SCAI: variants seen among roughly 807,000 people sequenced by gnomAD.
SCAI encodes the protein protein SCAI.
A neutral mutation model predicts 92.2 loss-of-function variants in SCAI; 24 were observed. That is an observed-to-expected ratio of 0.26 (90% confidence interval 0.19 to 0.37). The LOEUF (loss-of-function observed/expected upper bound fraction) is 0.37, where lower values mean the gene tolerates loss of function less well. SCAI is among the 10% of genes least tolerant of loss of function. The pLI is 1.00. For missense variants in SCAI, 450 were observed against 736.2 expected (o/e 0.61, Z 4.50); for synonymous variants, 261 against 258.6 (o/e 1.01, Z -0.09).
intron 3 of SCAI, among the ~76,000 whole-genome samples, chr9:125,036,822 T>C (rs979280127): frequency 2.0e-5 from 3 of 152,184 alleles, no homozygotes; most frequent in African/African-American, 7.2e-5. Context: ...TTTAAATAAA[T>C]ACATTAAGAA....
chr9:124,960,645 G>C (rs1244246194), intron 17 of SCAI, among the ~76,000 whole-genome samples: 1 of 152,196 alleles, frequency 6.6e-6, no homozygotes, highest in East Asian at 1.9e-4. Context: ...TCACAAGAGT[G>C]ACAGCCTCTG....
chr9:124,993,591 A>C (rs1832179358), intron 14 of SCAI, among the ~76,000 whole-genome samples: 2 of 152,226 alleles, frequency 1.3e-5, no homozygotes, highest in Non-Finnish European at 2.9e-5. Flanking sequence ...TCTGTCTCAA[A>C]AAAGAAAAGA....
At chr9:125,064,332 G>A (rs1217888800) in intron 2 of SCAI, among the ~76,000 whole-genome samples, 1 of 152,064 alleles carries the variant, frequency 6.6e-6, no homozygotes, top group Non-Finnish European at 1.5e-5. Flanking sequence ...TACCCATGGA[G>A]CAATCATAAA....
At chr9:125,048,737 TTTA>T (rs1564392990) in intron 3 of SCAI, among the ~76,000 whole-genome samples, 15 of 114,596 alleles carry the variant, frequency 1.3e-4, no homozygotes, top group Admixed American at 1.8e-4. Context: ...TATTTATTTA[TTTA>T]ATTTTATTTT....
At chr9:125,023,213 C>T (rs1307121548) in intron 6 of SCAI, among the ~76,000 whole-genome samples, 1 of 152,096 alleles carries the variant, frequency 6.6e-6, no homozygotes, top group Non-Finnish European at 1.5e-5. Context: ...CATACCTTCC[C>T]CTTCTAGTTT....
chr9:124,993,489 CT>C (rs1164434624), intron 14 of SCAI, among the ~76,000 whole-genome samples: 2 of 152,262 alleles, frequency 1.3e-5, no homozygotes, highest in East Asian at 3.9e-4. Context: ...ACTTGGGAGG[CT>C]AAGGCAGGAG....
Position 124,947,296 on chromosome 9 carries a change from G to A in SCAI, c.*5511C>T, listed in dbSNP as rs539950011. The A allele has an allele frequency of 1.4e-4, 22 of 152,254 alleles. No homozygotes were observed. Among genetic ancestry groups the A allele is most frequent in the South Asian group, 6.2e-4 (3 of 4,830 alleles). 9.4% of individuals were successfully genotyped at this position (152,254 alleles called of 1,614,324 possible). A position where few individuals can be genotyped will look rare whatever the true frequency, so the allele number is the denominator to read the frequency against. ...AAGGACTACTACAGCCTAAGAATCT[G>A]CTGGTGTCTCAGTTTCACATACTTA... On this transcript the variant is annotated 3_prime_UTR_variant, in exon 18 of 18. Transcript: ENST00000336505.
At chr9:125,003,268 A>T in intron 10 of SCAI, 53 bp from the exon 11 acceptor site, 2 of 1,351,998 alleles carry the variant, frequency 1.5e-6, no homozygotes, top group Middle Eastern at 1.8e-4. Context: ...TGACAAATGA[A>T]TTATCAATAT....
chr9:124,993,597 A>G (rs1267013091), intron 14 of SCAI, among the ~76,000 whole-genome samples: 1 of 152,198 alleles, frequency 6.6e-6, no homozygotes, highest in African/African-American at 2.4e-5. Context: ...TCAAAAAAGA[A>G]AAGAAAAGAA....
chr9:124,972,550 G>C (rs1452985136), intron 15 of SCAI, among the ~76,000 whole-genome samples: 1 of 152,128 alleles, frequency 6.6e-6, no homozygotes, highest in Non-Finnish European at 1.5e-5. Flanking sequence ...TTTTGATATA[G>C]GTAATAGAAA....
chr9:125,074,219 A>G lies in SCAI; in HGVS notation c.99-18212T>C, dbSNP rs560778223. On this transcript the variant is annotated intron_variant, in intron 2 of 17. Coordinates refer to ENST00000336505, the MANE Select transcript of SCAI (RefSeq NM_001144877.3). ...GGTTGCCGCGAGCCAAGATTGCACC[A>G]CTGCACTCCAGCCTGGGTGACAGAG... 3.8e-4 allele frequency among the ~76,000 whole-genome samples: 54 copies of G among 143,200 alleles called. No individual in the cohort carries two copies. In the South Asian group the frequency reaches 0.012, roughly 33 times the overall value. 93.9% of individuals were successfully genotyped at this position (143,200 alleles called of 152,430 possible).
chr9:124,985,495 T>C (rs945910871), intron 14 of SCAI, among the ~76,000 whole-genome samples: 7 of 151,942 alleles, frequency 4.6e-5, no homozygotes, highest in Non-Finnish European at 1.0e-4. Flanking sequence ...AGAAGAAACA[T>C]AGTCAAAAAT....
chr9:124,984,564 T>A, intron 14 of SCAI, among the ~76,000 whole-genome samples: 1 of 152,068 alleles, frequency 6.6e-6, no homozygotes, highest in East Asian at 1.9e-4. Context: ...AAAATGGATG[T>A]TGGATGTGAG....
At position 125,115,098 on chromosome 9, in the gene SCAI, C is replaced by G. The variant is rs943646613; in HGVS notation, c.98+27535G>C. On this transcript the variant is annotated intron_variant, in intron 2 of 17. Transcript: ENST00000336505. ...TAAAGAAACTCTTGAAGCAGCCGGGCGCGGTGGTTCATGCCTGTAATCCCA... is the reference window on the plus strand; with the variant it reads ...TAAAGAAACTCTTGAAGCAGCCGGGGGCGGTGGTTCATGCCTGTAATCCCA... Among the ~76,000 whole-genome samples, 4 of 151,914 alleles carry G rather than the reference C, an allele frequency of 2.6e-5. No individual in the cohort carries two copies. The East Asian group carries it at 5.8e-4, about 22-fold the overall frequency.
chr9:125,008,294 G>A (rs937200921), intron 9 of SCAI, among the ~76,000 whole-genome samples: 5 of 151,970 alleles, frequency 3.3e-5, no homozygotes, highest in African/African-American at 1.2e-4. Context: ...AAAAGCATAA[G>A]CCACCATGCC....
chr9:125,115,845 T>TAG (rs1169018445), intron 2 of SCAI, among the ~76,000 whole-genome samples: 1 of 152,236 alleles, frequency 6.6e-6, no homozygotes, highest in African/African-American at 2.4e-5. Flanking sequence ...CAGTACACTA[T>TAG]TTTTTAAGTT....
At chr9:124,965,471 G>A (rs1028084765) in intron 17 of SCAI, among the ~76,000 whole-genome samples, 4 of 152,172 alleles carry the variant, frequency 2.6e-5, no homozygotes, top group Non-Finnish European at 4.4e-5. Flanking sequence ...TTGACCTAAG[G>A]TGATCCACCC....
chr9:125,138,919 GC>G (rs1454958125), intron 2 of SCAI, among the ~76,000 whole-genome samples: 2 of 152,138 alleles, frequency 1.3e-5, no homozygotes, highest in Non-Finnish European at 2.9e-5. Context: ...ACATGATCTC[GC>G]AAACTACATT....
rs371348694 is a variant in SCAI, at chr9:125,128,007, C to CA, written c.98+14625dup. Among the ~76,000 whole-genome samples, 490 of 134,480 alleles carry CA rather than the reference C, an allele frequency of 3.6e-3. 4 individuals carry two copies. Among genetic ancestry groups the CA allele is most frequent in the South Asian group, 5.2e-3 (22 of 4,246 alleles). 88.2% of individuals were successfully genotyped at this position (134,480 alleles called of 152,430 possible). A position where few individuals can be genotyped will look rare whatever the true frequency, so the allele number is the denominator to read the frequency against. ...TGGCCAACAGAGTGAGACTGCATCT[C>CA]AAAAAAAAAAAAAATTCTAGGCCAG... On this transcript the variant is annotated intron_variant, in intron 2 of 17. Transcript: ENST00000336505.
Sources: allele counts gnomAD v4.1 joint callset (sites outside exome capture counted in the v4.1 genomes callset), GRCh38; gene constraint gnomAD v4.1.1; transcripts MANE v1.5; gene names NCBI Gene and HGNC (gene_info 2026-07-23, HGNC 2026-07-21).